The following SLC25A23 variants were observed in gnomAD, a reference collection of about 807,000 sequenced individuals.
SLC25A23 encodes solute carrier family 25 member 23.
In SLC25A23, 32 loss-of-function variants were observed where a neutral mutation model predicts 53.9. The observed-to-expected ratio is 0.59, with a 90% CI of 0.45 to 0.80. SLC25A23 has a LOEUF of 0.80. SLC25A23 is among the 30% of genes least tolerant of loss of function. The probability of loss-of-function intolerance (pLI) is 0.00; values close to 1 mark genes in which losing one functional copy is unlikely to be tolerated. For synonymous variants in SLC25A23, 275 were observed against 264.5 expected (o/e 1.04, Z -0.38); for missense variants, 575 against 651.4 (o/e 0.88, Z 1.28).
At chr19:6,453,918 G>A in intron 7 of SLC25A23, 63 bp downstream of exon 7, 1 of 1,325,546 alleles carries the variant, frequency 7.5e-7, no homozygotes, top group Non-Finnish European at 1.1e-6. Context: ...AATGCAGAGT[G>A]AGATGGGTAC....
intron 8 of SLC25A23, among the ~76,000 whole-genome samples, chr19:6,449,392 A>G (rs568381492): frequency 6.6e-6 from 1 of 150,754 alleles, no homozygotes; most frequent in Admixed American, 6.6e-5. Context: ...AGCTGGCACT[A>G]CAGGTGTGCA....
Position 6,441,957 on chromosome 19 carries a change from G to A in SLC25A23, c.*18C>T, listed in dbSNP as rs1333699153. 6.2e-7 allele frequency: 1 copy of A among 1,612,042 alleles called. No individual in the cohort carries two copies. The highest frequency in any genetic ancestry group is 1.1e-5 in the South Asian group (1 of 90,814). ...AGGTGTGGGGGGTGAGGGATTGGGG[G>A]GACGGGCTCCGGGTCCCTCACCTGG... On this transcript the variant is annotated 3_prime_UTR_variant, in exon 10 of 10. Coordinates refer to ENST00000301454, the MANE Select transcript of SLC25A23 (RefSeq NM_024103.3).
At chr19:6,456,944 G>C (rs348369) in intron 3 of SLC25A23, among the ~76,000 whole-genome samples, 80,569 of 151,788 alleles carry the variant, frequency 0.53, 22,439 homozygotes, top group African/African-American at 0.66. Flanking sequence ...TTCCAAAGTG[G>C]CAGGATTGCA....
At position 6,441,761 on chromosome 19, in the gene SLC25A23, T is replaced by A; in HGVS notation, c.*214A>T. On this transcript the variant is annotated 3_prime_UTR_variant, in exon 10 of 10. Transcript: ENST00000301454. The stretch of plus-strand genomic sequence containing the variant: ...GGATCTAGTGGCTGAAGGGTGGGGA[T>A]CGCATGACCCAGTGGTTGGGGCATA... 1 of 575,750 alleles carries A rather than the reference T, an allele frequency of 1.7e-6. No homozygotes were observed. The highest frequency in any genetic ancestry group is 3.1e-5 in the Admixed American group (1 of 32,576). The allele number at this position is 575,750 out of a possible 1,614,324, so 35.7% of individuals were successfully genotyped here.
chr19:6,455,296 G>A (rs1487926413), intron 4 of SLC25A23, among the ~76,000 whole-genome samples: 7 of 151,964 alleles, frequency 4.6e-5, no homozygotes, highest in African/African-American at 1.7e-4. Context: ...GATCCCTCAG[G>A]GCAAATGAGA....
Position 6,444,313 on chromosome 19 carries a change from A to G in SLC25A23, c.1072-12T>C, listed in dbSNP as rs905527489. ...CAGTTCTTCAGAGTCTGGAGTGGAG[A>G]AGGGAGTAGGGAGGGTTGGGGTGGG... On this transcript the variant is annotated splice_polypyrimidine_tract_variant and intron_variant, in intron 8 of 9. Coordinates refer to ENST00000301454, the MANE Select transcript of SLC25A23 (RefSeq NM_024103.3). The G allele has an allele frequency of 1.3e-6, 2 of 1,594,074 alleles. No individual in the cohort carries two copies. The highest frequency in any genetic ancestry group is 2.3e-5 in the South Asian group (2 of 88,708).
chr19:6,436,095 T>A (rs2092310942), downstream of SLC25A23: 1 of 204,470 alleles, frequency 4.9e-6, no homozygotes, highest in South Asian at 8.5e-5. Flanking sequence ...TGTAGGTATA[T>A]ATGTATTAGC....
chr19:6,450,193 T>A (rs1338036770), intron 8 of SLC25A23, among the ~76,000 whole-genome samples: 1 of 151,750 alleles, frequency 6.6e-6, no homozygotes, highest in Non-Finnish European at 1.5e-5. Flanking sequence ...CTATTTTACT[T>A]AGAAGACCCT....
chr19:6,444,784 C>T (rs1007101213), intron 8 of SLC25A23, among the ~76,000 whole-genome samples: 36 of 152,036 alleles, frequency 2.4e-4, no homozygotes, highest in African/African-American at 8.7e-4. Flanking sequence ...TCTCTTGCCT[C>T]AGCCTCCCGG....
intron 8 of SLC25A23, among the ~76,000 whole-genome samples, chr19:6,445,096 C>A (rs1387212556): frequency 6.6e-6 from 1 of 151,922 alleles, no homozygotes; most frequent in Non-Finnish European, 1.5e-5. Context: ...AGCCACCATG[C>A]CTGGCACAAG....
At chr19:6,439,432 C>T (rs1333634152), downstream of SLC25A23, among the ~76,000 whole-genome samples, 2 of 151,440 alleles carry the variant, frequency 1.3e-5, no homozygotes, top group Non-Finnish European at 2.9e-5. Context: ...CACACACACA[C>T]ACAGACACAC....
chr19:6,447,088 G>C (rs2092515952), intron 8 of SLC25A23, among the ~76,000 whole-genome samples: 1 of 152,120 alleles, frequency 6.6e-6, no homozygotes, highest in Admixed American at 6.5e-5. Flanking sequence ...CTGACACCTT[G>C]ATTTTGCACT....
chr19:6,445,419 T>C (rs935590326), intron 8 of SLC25A23, among the ~76,000 whole-genome samples: 3 of 152,136 alleles, frequency 2.0e-5, no homozygotes, highest in African/African-American at 7.2e-5. Context: ...CAAGGGCCCT[T>C]CTAAGAGTTA....
chr19:6,457,532 C>G lies in SLC25A23; in HGVS notation c.342G>C (p.Ser114=). 1 of 1,614,030 alleles carries G rather than the reference C, an allele frequency of 6.2e-7. No individual in the cohort carries two copies. The highest frequency in any genetic ancestry group is 8.5e-7 in the Non-Finnish European group (1 of 1,180,016). Residue 114 remains serine, a synonymous_variant, in exon 3 of 10, where the codon TCG becomes TCC. Coordinates refer to ENST00000301454, the MANE Select transcript of SLC25A23 (RefSeq NM_024103.3). The part of the protein sequence containing the change: ...QSFRALGISI[S]LEQAEKILHS... ...GCAAAATTTTCTCAGCCTGCTCCAG[C>G]GAGATGGAAATGCCCAGAGCTCGGA... is the stretch of plus-strand genomic sequence containing the variant.
chr19:6,442,043 G>C lies in SLC25A23; in HGVS notation c.1339C>G (p.Pro447Ala). The C allele has an allele frequency of 6.2e-7, 1 of 1,613,772 alleles. No individual in the cohort carries two copies. The highest frequency in any genetic ancestry group is 8.5e-7 in the Non-Finnish European group (1 of 1,179,846). ...ACCACATAGGAGATGCTCACAGCTG[G>C]AATAACCTTCATGAAGTTGGGGGCG... ...GIAPNFMKVI[P>A]AVSISYVVYE... The change falls in exon 10 of 10, where the codon CCA becomes GCA. Residue 447 changes from proline (P) to alanine (A), a missense_variant. Transcript: ENST00000301454.
chr19:6,438,692 T>C, downstream of SLC25A23: 1 of 222,180 alleles, frequency 4.5e-6, no homozygotes, highest in South Asian at 4.4e-5. Flanking sequence ...CTACTAAAAA[T>C]ACAAAAATTA....
At chr19:6,456,064 A>T (rs910776686) in intron 4 of SLC25A23, 1 of 1,340,694 alleles carries the variant, frequency 7.5e-7, no homozygotes, top group Non-Finnish European at 9.8e-7. Context: ...AGAATCTTTT[A>T]TCCAGGCAGA....
At position 6,457,577 on chromosome 19, in the gene SLC25A23, G is replaced by A. The variant is rs767633384; in HGVS notation, c.297C>T (p.Val99=). The change falls in exon 3 of 10, where the codon GTC becomes GTT. Residue 99 remains valine, a synonymous_variant. Coordinates refer to ENST00000301454, the MANE Select transcript of SLC25A23 (RefSeq NM_024103.3). ...LDRNQDGHID[V]SEIQQSFRAL... The stretch of plus-strand genomic sequence containing the variant: ...CTCGGAAACTCTGTTGGATCTCAGA[G>A]ACATCAATGTGACCTGGGGAGGGGG... 9 of 1,613,892 alleles carry A rather than the reference G, an allele frequency of 5.6e-6. No homozygotes were observed. In the African/African-American group the frequency reaches 1.2e-4, roughly 22 times the overall value.
intron 4 of SLC25A23, chr19:6,456,009 G>T (rs2092677363): frequency 7.7e-7 from 1 of 1,296,872 alleles, no homozygotes; most frequent in Admixed American, 2.3e-5. Flanking sequence ...GTGAGCCACT[G>T]CGCCTGGCCA....
Sources: allele counts gnomAD v4.1 joint callset (sites outside exome capture counted in the v4.1 genomes callset), GRCh38; gene constraint gnomAD v4.1.1; transcripts MANE v1.5; gene names NCBI Gene and HGNC (gene_info 2026-07-23, HGNC 2026-07-21).